The following DOK6 variants were observed in gnomAD, a reference collection of about 807,000 sequenced individuals.
The protein encoded by DOK6 is downstream of tyrosine kinase 6.
DOK6 carries 22 observed loss-of-function variants against 44.0 expected under a neutral mutation model. The observed-to-expected ratio is 0.50, with a 90% confidence interval of 0.36 to 0.71. DOK6 has a LOEUF of 0.71. Among genes scored for constraint, DOK6 ranks in the 30% least tolerant of loss-of-function variants. DOK6 has a pLI of 0.00. For synonymous variants in DOK6, 166 were observed against 145.5 expected, an observed-to-expected ratio of 1.14 and a Z score of -1.01; for missense variants, 340 against 416.4, an observed-to-expected ratio of 0.82 and a Z score of 1.60.
chr18:69,775,657 TATAAA>T (rs145165957), intron 7 of DOK6, among the ~76,000 whole-genome samples: 2,959 of 151,128 alleles, frequency 0.02, 82 homozygotes, highest in African/African-American at 0.067. Flanking sequence ...TAACAGACAC[TATAAA>T]ATAAGAGAGA....
chr18:69,531,230 T>A (rs1176234781), intron 1 of DOK6, among the ~76,000 whole-genome samples: 1 of 148,066 alleles, frequency 6.8e-6, no homozygotes, highest in Non-Finnish European at 1.5e-5. Context: ...TCTGAGAAGT[T>A]TTTTAAGTAT....
At chr18:69,740,598 C>G (rs1320555881) in intron 6 of DOK6, among the ~76,000 whole-genome samples, 1 of 152,164 alleles carries the variant, frequency 6.6e-6, no homozygotes, top group Admixed American at 6.5e-5. Flanking sequence ...AAGAAGAGTA[C>G]CCCGTTGGTG....
intron 1 of DOK6, among the ~76,000 whole-genome samples, chr18:69,462,900 CT>C (rs1293963066): frequency 1.3e-5 from 2 of 152,190 alleles, no homozygotes; most frequent in African/African-American, 4.8e-5. Context: ...TGACTGACAA[CT>C]CTGCCTGCTT....
At chr18:69,486,907 A>G (rs954210526) in intron 1 of DOK6, among the ~76,000 whole-genome samples, 1 of 152,014 alleles carries the variant, frequency 6.6e-6, no homozygotes, top group African/African-American at 2.4e-5. Flanking sequence ...ATATACACCT[A>G]TTTTCCTGTT....
At chr18:69,509,375 C>T (rs541816104) in intron 1 of DOK6, among the ~76,000 whole-genome samples, 3 of 152,238 alleles carry the variant, frequency 2.0e-5, no homozygotes, top group South Asian at 2.1e-4. Flanking sequence ...CGGTGGTTCA[C>T]GCCTGTAATC....
At chr18:69,498,079 C>CA (rs1257908238) in intron 1 of DOK6, among the ~76,000 whole-genome samples, 1 of 151,932 alleles carries the variant, frequency 6.6e-6, no homozygotes, top group Non-Finnish European at 1.5e-5. Context: ...CACAGACACA[C>CA]AAAAAATGAA....
Position 69,629,712 on chromosome 18 carries a change from G to A in DOK6, c.289+30214G>A, listed in dbSNP as rs1232108178. 3.3e-5 allele frequency among the ~76,000 whole-genome samples: 5 copies of A among 152,278 alleles called. No homozygotes were observed. The South Asian group carries it at 8.3e-4, about 25-fold the overall frequency. The stretch of plus-strand genomic sequence containing the variant: ...CTGACTCCTCCCCCATTTCAAGAGT[G>A]GTGGGCAAGTCATCAGGATTCTGCT... On this transcript the variant is annotated intron_variant, in intron 3 of 7. Transcript: ENST00000382713.
At chr18:69,528,934 A>G (rs76486040) in intron 1 of DOK6, among the ~76,000 whole-genome samples, 1 of 152,162 alleles carries the variant, frequency 6.6e-6, no homozygotes, top group East Asian at 1.9e-4. Flanking sequence ...CTTCCAGTGT[A>G]AAAGGGATCA....
At chr18:69,543,493 CT>C (rs1319345023) in intron 1 of DOK6, among the ~76,000 whole-genome samples, 2 of 151,534 alleles carry the variant, frequency 1.3e-5, no homozygotes, top group South Asian at 2.1e-4. Context: ...TTTCTCCATT[CT>C]TTTTTTCCCC....
chr18:69,677,994 AT>A, intron 4 of DOK6, 141 bp downstream of exon 4: 1 of 1,327,672 alleles, frequency 7.5e-7, no homozygotes, highest in Non-Finnish European at 9.9e-7. Flanking sequence ...CAAACCTGTA[AT>A]CCCTGCATTT....
chr18:69,475,402 A>G (rs7236601), intron 1 of DOK6, among the ~76,000 whole-genome samples: 3 of 152,208 alleles, frequency 2.0e-5, no homozygotes, highest in African/African-American at 4.8e-5. Context: ...TGTTCCCCTA[A>G]TGAGACTGAA....
rs955678834 is a variant in DOK6, at chr18:69,509,649, A to C, written c.67-54838A>C. Among the ~76,000 whole-genome samples, 20 of 148,280 alleles carry C rather than the reference A, an allele frequency of 1.3e-4. 2 individuals are homozygous for C. Among genetic ancestry groups the C allele is most frequent in the South Asian group, 2.1e-4 (1 of 4,658 alleles). On this transcript the variant is annotated intron_variant, in intron 1 of 7. Coordinates refer to ENST00000382713, the MANE Select transcript of DOK6 (RefSeq NM_152721.6). ...CTAGGCTCTGTCTCAAAAAAAAAAAAAAAAAAAAAAAAAACACACAAGTCA... is the reference window on the plus strand; with the variant it reads ...CTAGGCTCTGTCTCAAAAAAAAAAACAAAAAAAAAAAAAACACACAAGTCA...
At chr18:69,810,111 A>G (rs1981178095) in intron 7 of DOK6, among the ~76,000 whole-genome samples, 1 of 152,080 alleles carries the variant, frequency 6.6e-6, no homozygotes, top group African/African-American at 2.4e-5. Context: ...TCAAAACAAC[A>G]TGGCACTATT....
intron 1 of DOK6, among the ~76,000 whole-genome samples, chr18:69,429,839 T>C (rs191066335): frequency 1.3e-4 from 19 of 151,920 alleles, no homozygotes; most frequent in Admixed American, 1.2e-3. Flanking sequence ...AGTATAAGAT[T>C]CATTGCTCTT....
At chr18:69,775,492 T>G (rs1432368108) in intron 7 of DOK6, among the ~76,000 whole-genome samples, 3 of 151,992 alleles carry the variant, frequency 2.0e-5, no homozygotes, top group Non-Finnish European at 4.4e-5. Context: ...ATTTTACATT[T>G]GATTTTACTT....
At chr18:69,575,374 G>T (rs554416968) in intron 2 of DOK6, among the ~76,000 whole-genome samples, 18 of 152,212 alleles carry the variant, frequency 1.2e-4, no homozygotes, top group African/African-American at 4.1e-4. Context: ...TGCCCAGGAA[G>T]CCTACTGAAT....
intron 3 of DOK6, among the ~76,000 whole-genome samples, chr18:69,617,625 G>A (rs1984330362): frequency 6.7e-6 from 1 of 150,318 alleles, no homozygotes; most frequent in Non-Finnish European, 1.5e-5. Context: ...AAGAAAGAAA[G>A]AGGGAGGGAG....
At chr18:69,676,350 T>A (rs976563493) in intron 3 of DOK6, among the ~76,000 whole-genome samples, 40 of 152,230 alleles carry the variant, frequency 2.6e-4, no homozygotes, top group African/African-American at 9.2e-4. Flanking sequence ...ATCTCATTGA[T>A]GAAACTTATT....
chr18:69,617,730 G>GAAAGAAAAA lies in DOK6; in HGVS notation c.289+18232_289+18233insAAAGAAAAA. On this transcript the variant is annotated intron_variant, in intron 3 of 7. Coordinates refer to ENST00000382713, the MANE Select transcript of DOK6 (RefSeq NM_152721.6). The stretch of plus-strand genomic sequence containing the variant: ...AGAAAAGAAAGAAAGAAAGAAAAAA[G>GAAAGAAAAA]GGGGAAGGAGGGAAGGAAGGAAGGA... Among the ~76,000 whole-genome samples, 114 of 88,692 alleles carry GAAAGAAAAA rather than the reference G, an allele frequency of 1.3e-3. 9 individuals carry two copies. Among genetic ancestry groups the GAAAGAAAAA allele is most frequent in the East Asian group, 2.1e-3 (5 of 2,340 alleles). The allele number at this position is 88,692 out of a possible 152,430, so 58.2% of individuals were successfully genotyped here. A position where few individuals can be genotyped will look rare whatever the true frequency, so the allele number is the denominator to read the frequency against.
Sources: gnomAD v4.1 joint callset for allele counts (sites outside exome capture counted in the v4.1 genomes callset) on GRCh38, gnomAD v4.1.1 for gene constraint, MANE v1.5 for transcripts, NCBI Gene and HGNC (gene_info 2026-07-23, HGNC 2026-07-21) for gene names.